SOBP: variants seen among roughly 807,000 people sequenced by gnomAD.
SOBP encodes the protein sine oculis-binding protein homolog.
SOBP carries 4 observed loss-of-function variants against 53.6 expected under a neutral mutation model. The observed-to-expected ratio is 0.07, with a 90% CI of 0.04 to 0.17. SOBP has a LOEUF of 0.17. Among genes scored for constraint, SOBP ranks in the 10% least tolerant of loss-of-function variants. The pLI is 1.00. For missense variants in SOBP, 1,088 were observed against 1,204.7 expected (o/e 0.90, Z 1.43); for synonymous variants, 584 against 522.6 (o/e 1.12, Z -1.60).
chr6:107,652,826 G>T (rs561098818), intron 6 of SOBP, among the ~76,000 whole-genome samples: 1 of 151,632 alleles, frequency 6.6e-6, no homozygotes, highest in South Asian at 2.1e-4. Flanking sequence ...AAAGGTTATG[G>T]TTTGCTGAAG....
chr6:107,608,881 T>C (rs947285123), intron 5 of SOBP, among the ~76,000 whole-genome samples: 32 of 152,268 alleles, frequency 2.1e-4, no homozygotes, highest in Admixed American at 2.0e-3. Flanking sequence ...GGGAATCCAG[T>C]GAGTTTGTTC....
intron 4 of SOBP, among the ~76,000 whole-genome samples, chr6:107,576,109 T>G (rs537186341): frequency 7.9e-5 from 12 of 152,322 alleles, no homozygotes; most frequent in Admixed American, 5.2e-4. Context: ...AGCACCTCCG[T>G]TAACAGGTCA....
intron 4 of SOBP, among the ~76,000 whole-genome samples, chr6:107,567,191 G>A (rs1359956863): frequency 2.0e-5 from 3 of 152,172 alleles, no homozygotes; most frequent in East Asian, 3.8e-4. Context: ...ACCATGACTA[G>A]AAGTAGAAAA....
intron 5 of SOBP, among the ~76,000 whole-genome samples, chr6:107,596,012 T>C (rs979362437): frequency 5.3e-5 from 8 of 152,236 alleles, no homozygotes; most frequent in African/African-American, 1.9e-4. Flanking sequence ...CCTGGAGAGC[T>C]ACATGCTACC....
Position 107,533,435 on chromosome 6 carries a change from A to G in SOBP, c.422-24A>G, listed in dbSNP as rs371869760. 3.7e-6 allele frequency: 6 copies of G among 1,613,636 alleles called. No homozygotes were observed. In the African/African-American group the frequency reaches 8.0e-5, roughly 22 times the overall value. ...AGGGATGTTTGCTTCTGATATGAAC[A>G]TTTTTCTTATACTTTTATTATAGAA... On this transcript the variant is annotated intron_variant, in intron 3 of 6. Transcript: ENST00000317357.
intron 4 of SOBP, among the ~76,000 whole-genome samples, chr6:107,535,215 C>A (rs1783957834): frequency 6.6e-6 from 1 of 152,116 alleles, no homozygotes; most frequent in African/African-American, 2.4e-5. Flanking sequence ...TGAAGAAAGA[C>A]ACCTGATTCC....
In SOBP at chr6:107,506,349, C is replaced by A. The variant is rs761711421; in HGVS notation, c.343C>A (p.Pro115Thr). 3 of 1,614,178 alleles carry A rather than the reference C, an allele frequency of 1.9e-6. No individual in the cohort carries two copies. Among genetic ancestry groups the A allele is most frequent in the Non-Finnish European group, 2.5e-6 (3 of 1,180,030 alleles). Residue 115 changes from proline to threonine, a missense_variant, in exon 3 of 7, where the codon CCT becomes ACT. Pro to Thr is a conservative substitution (Grantham distance 38, BLOSUM62 -1). This residue lies in a region of SOBP where 112 missense variants were observed against 117.9 expected (regional missense o/e 0.95). Transcript: ENST00000317357. ...LATGNGLSDS[P>T]AGSKDHGSVP... ...CACTGGAAATGGACTCAGTGACTCA[C>A]CTGCAGGGTCAAAGGATCATGGCAG...
At chr6:107,600,205 G>T (rs1318532948) in intron 5 of SOBP, among the ~76,000 whole-genome samples, 2 of 152,164 alleles carry the variant, frequency 1.3e-5, no homozygotes, top group African/African-American at 2.4e-5. Flanking sequence ...GTGAGGATTG[G>T]AATTTTTGTC....
At chr6:107,611,351 C>T (rs1324826854) in intron 5 of SOBP, among the ~76,000 whole-genome samples, 1 of 152,200 alleles carries the variant, frequency 6.6e-6, no homozygotes, top group Non-Finnish European at 1.5e-5. Context: ...GCAACAGCAA[C>T]AAAAACTTCC....
In SOBP at chr6:107,490,245, G is replaced by A. The variant is rs1342404731; in HGVS notation, c.-372G>A. On this transcript the variant is annotated 5_prime_UTR_variant, in exon 1 of 7. Transcript: ENST00000317357. ...GGCTGACGACTCCACGGGGCCCCGAGGATGCGGCCCGGCGGCGGCGGCGGC... is the reference window on the plus strand; with the variant it reads ...GGCTGACGACTCCACGGGGCCCCGAAGATGCGGCCCGGCGGCGGCGGCGGC... 6.7e-6 allele frequency: 1 copy of A among 148,986 alleles called. No homozygotes were observed. The highest frequency in any genetic ancestry group is 1.5e-5 in the Non-Finnish European group (1 of 66,652). 9.2% of individuals were successfully genotyped at this position (148,986 alleles called of 1,614,324 possible).
chr6:107,532,962 T>C (rs912246713), intron 3 of SOBP, among the ~76,000 whole-genome samples: 6 of 152,090 alleles, frequency 3.9e-5, no homozygotes, highest in East Asian at 1.9e-4. Context: ...ATAGCACATA[T>C]CATTTAACAG....
At chr6:107,647,666 A>G (rs846963) in intron 6 of SOBP, among the ~76,000 whole-genome samples, 34,785 of 152,024 alleles carry the variant, frequency 0.23, 5,456 homozygotes, top group African/African-American at 0.43. Flanking sequence ...ACTGCAACAA[A>G]GAGAGCGAGT....
chr6:107,523,308 GTC>G (rs946819988), intron 3 of SOBP, among the ~76,000 whole-genome samples: 3 of 152,228 alleles, frequency 2.0e-5, no homozygotes, highest in Non-Finnish European at 2.9e-5. Flanking sequence ...CCTTCAGAGA[GTC>G]TCTCAACCAA....
intron 4 of SOBP, among the ~76,000 whole-genome samples, chr6:107,554,768 A>C (rs893268360): frequency 6.6e-6 from 1 of 152,172 alleles, no homozygotes; most frequent in Non-Finnish European, 1.5e-5. Context: ...ATCATCATTC[A>C]TGCCACCATC....
intron 4 of SOBP, among the ~76,000 whole-genome samples, chr6:107,582,025 A>G (rs1785419365): frequency 6.6e-6 from 1 of 152,204 alleles, no homozygotes; most frequent in African/African-American, 2.4e-5. Context: ...TTCAAAAGAA[A>G]TCCTGAGATC....
intron 6 of SOBP, among the ~76,000 whole-genome samples, chr6:107,641,927 T>C (rs1380953611): frequency 3.9e-5 from 6 of 152,194 alleles, no homozygotes; most frequent in Non-Finnish European, 7.3e-5. Context: ...GTGGCCATGC[T>C]GTTTTCTCTT....
At chr6:107,566,977 C>T (rs1398616961) in intron 4 of SOBP, among the ~76,000 whole-genome samples, 1 of 152,160 alleles carries the variant, frequency 6.6e-6, no homozygotes, top group African/African-American at 2.4e-5. Flanking sequence ...CAGGCAGATA[C>T]CTGCAATGAT....
chr6:107,569,362 A>G (rs1785005550), intron 4 of SOBP, among the ~76,000 whole-genome samples: 1 of 152,238 alleles, frequency 6.6e-6, no homozygotes, highest in Admixed American at 6.5e-5. Flanking sequence ...TCTGAAAAAT[A>G]AAGCACCAGT....
intron 6 of SOBP, among the ~76,000 whole-genome samples, chr6:107,655,357 T>C (rs1193919253): frequency 6.6e-6 from 1 of 152,144 alleles, no homozygotes; most frequent in Non-Finnish European, 1.5e-5. Context: ...GGGGCTGCCC[T>C]GAACCAGCCA....
Sources: gnomAD v4.1 joint callset for allele counts (sites outside exome capture counted in the v4.1 genomes callset) on GRCh38, gnomAD v4.1.1 for gene constraint, gnomAD v4.1.1 regional missense constraint, MANE v1.5 for transcripts, NCBI Gene and HGNC (gene_info 2026-07-23, HGNC 2026-07-21) for gene names.